CAPN3: variants seen among roughly 807,000 people sequenced by gnomAD.
CAPN3 encodes the protein calpain-3.
CAPN3 carries 88 observed loss-of-function variants against 114.0 expected under a neutral mutation model. That is an observed-to-expected ratio of 0.77 (90% CI 0.65 to 0.92). CAPN3 has a LOEUF of 0.92. CAPN3 is among the 40% of genes least tolerant of loss of function. CAPN3 has a pLI of 0.00. For missense variants in CAPN3, 1,028 were observed against 1,069.0 expected (o/e 0.96, Z 0.53); for synonymous variants, 386 against 382.9 (o/e 1.01, Z -0.09).
At chr15:42,391,011 T>A (rs2053542152) in intron 6 of CAPN3, among the ~76,000 whole-genome samples, 1 of 152,092 alleles carries the variant, frequency 6.6e-6, no homozygotes, top group Admixed American at 6.6e-5. Context: ...TGGAATGGTC[T>A]TGAACTCCTG....
intron 9 of CAPN3, among the ~76,000 whole-genome samples, chr15:42,397,309 G>A (rs1233992208): frequency 6.6e-6 from 1 of 152,180 alleles, no homozygotes; most frequent in South Asian, 2.1e-4. Context: ...TAAGTTCCCC[G>A]AGGACTGGGA....
Position 42,359,648 on chromosome 15 carries a change from A to T in CAPN3, c.-158A>T. Reference sequence around the variant, plus strand: ...GGTTTTTAAGATGGACATAACCTGTACGACCTTCTGATGGGCTTTCAACTT... The same window carrying T: ...GGTTTTTAAGATGGACATAACCTGTTCGACCTTCTGATGGGCTTTCAACTT... On this transcript the variant is annotated 5_prime_UTR_variant, in exon 1 of 24. Coordinates refer to ENST00000397163, the MANE Select transcript of CAPN3 (RefSeq NM_000070.3). 6.7e-7 allele frequency: 1 copy of T among 1,487,876 alleles called. No individual in the cohort carries two copies. The allele number at this position is 1,487,876 out of a possible 1,614,324, so 92.2% of individuals were successfully genotyped here.
chr15:42,401,778 A>G lies in CAPN3; in HGVS notation c.1492A>G (p.Ser498Gly). The change falls in exon 11 of 24, where the codon AGT becomes GGT. Residue 498 changes from serine (S) to glycine (G), a missense_variant. Transcript: ENST00000397163. ...NRRKDRKLGA[S>G]LFTIGFAIYE... ...GCGGAAGGACCGGAAGCTAGGGGCC[A>G]GTCTCTTCACCATTGGCTTCGCCAT... is the stretch of plus-strand genomic sequence containing the variant. 1.2e-6 allele frequency: 2 copies of G among 1,614,034 alleles called. No individual in the cohort carries two copies. The highest frequency in any genetic ancestry group is 2.2e-5 in the South Asian group (2 of 91,052).
intron 1 of CAPN3, among the ~76,000 whole-genome samples, chr15:42,368,497 ATAATT>A (rs544447490): frequency 8.5e-5 from 13 of 152,234 alleles, no homozygotes; most frequent in East Asian, 1.9e-4. Flanking sequence ...TCAATAAACA[ATAATT>A]TAATGAATCA....
chr15:42,403,028 G>A (rs750256683), intron 13 of CAPN3, 26 bp downstream of exon 13: 37 of 1,602,568 alleles, frequency 2.3e-5, no homozygotes, highest in Non-Finnish European at 2.4e-5. Context: ...GCTTTCCCAC[G>A]TGTTTCTAAA....
Position 42,382,569 on chromosome 15 carries a change from A to G in CAPN3, c.310-1914A>G, listed in dbSNP as rs181846492. 6.8e-3 allele frequency among the ~76,000 whole-genome samples: 1,039 copies of G among 152,230 alleles called. 15 individuals carry two copies. Among genetic ancestry groups the G allele is most frequent in the African/African-American group, 0.024 (1,001 of 41,542 alleles). The stretch of plus-strand genomic sequence containing the variant: ...ATCTTTGTAGAGACGGGGTCTCACT[A>G]TGTTGCCCAGACTGGTCTCGAACTC... On this transcript the variant is annotated intron_variant, in intron 1 of 23. Transcript: ENST00000397163.
At chr15:42,411,212 C>T in intron 22 of CAPN3, 75 bp from the exon 23 acceptor site, 3 of 1,273,968 alleles carry the variant, frequency 2.4e-6, no homozygotes, top group Non-Finnish European at 3.5e-6. Context: ...GGCACATGGT[C>T]CTCTGAGGGG....
In CAPN3 at chr15:42,392,602, C is replaced by A. The variant is rs781449760; in HGVS notation, c.946-37C>A. 5.9e-6 allele frequency: 9 copies of A among 1,532,504 alleles called. No homozygotes were observed. The Admixed American group carries it at 1.5e-4, about 26-fold the overall frequency. The allele number at this position is 1,532,504 out of a possible 1,614,324, so 94.9% of individuals were successfully genotyped here. A position where few individuals can be genotyped will look rare whatever the true frequency, so the allele number is the denominator to read the frequency against. ...CTCCAAGCAGCAGAACTTCTGTTCCCCCGCCCCTAATGGGTTCTCTGGTTA... is the reference window on the plus strand; with the variant it reads ...CTCCAAGCAGCAGAACTTCTGTTCCACCGCCCCTAATGGGTTCTCTGGTTA... On this transcript the variant is annotated intron_variant, in intron 6 of 23. Coordinates refer to ENST00000397163, the MANE Select transcript of CAPN3 (RefSeq NM_000070.3).
At chr15:42,393,781 A>G (rs1039449206) in intron 7 of CAPN3, among the ~76,000 whole-genome samples, 2 of 151,264 alleles carry the variant, frequency 1.3e-5, no homozygotes, top group African/African-American at 4.9e-5. Context: ...TTTAGTAGAG[A>G]TGGGGGTTTC....
rs2053921665 is a variant in CAPN3 at position 42,403,109 on chromosome 15, C to G, written c.1745+107C>G. On this transcript the variant is annotated intron_variant, in intron 13 of 23. Coordinates refer to ENST00000397163, the MANE Select transcript of CAPN3 (RefSeq NM_000070.3). ...ACACGTCTCCTCCAGGGTCCTTCTG[C>G]TGCTCCTGAGCCACTGGCCACATTA... 8 of 883,688 alleles carry G rather than the reference C, an allele frequency of 9.1e-6. No homozygotes were observed. In the Admixed American group the frequency reaches 9.3e-5, roughly 10 times the overall value. 54.7% of individuals were successfully genotyped at this position (883,688 alleles called of 1,614,324 possible).
intron 1 of CAPN3, among the ~76,000 whole-genome samples, chr15:42,380,697 G>A (rs2053219747): frequency 7.2e-6 from 1 of 138,810 alleles, no homozygotes; most frequent in South Asian, 2.2e-4. Flanking sequence ...CTGTGACACA[G>A]TTCAAACGGG....
At chr15:42,373,394 C>G (rs2053005913) in intron 1 of CAPN3, among the ~76,000 whole-genome samples, 1 of 152,128 alleles carries the variant, frequency 6.6e-6, no homozygotes, top group Non-Finnish European at 1.5e-5. Context: ...CTTTGAGAAG[C>G]ACAGAGTAGA....
At chr15:42,383,490 G>C (rs1003215593) in intron 1 of CAPN3, among the ~76,000 whole-genome samples, 3 of 152,066 alleles carry the variant, frequency 2.0e-5, no homozygotes, top group African/African-American at 7.2e-5. Context: ...TCGGGAGGCT[G>C]AGACAGGAAA....
chr15:42,402,163 GT>G, intron 12 of CAPN3, 28 bp downstream of exon 12: 1 of 1,614,016 alleles, frequency 6.2e-7, no homozygotes, highest in Non-Finnish European at 8.5e-7. Flanking sequence ...GCCAGCAGTT[GT>G]GTGCAGCACT....
In CAPN3 at chr15:42,400,885, A is replaced by C. The variant is rs1444798624; in HGVS notation, c.1355-756A>C. ...TTGGTGATATGATAAGAACTCAAAA[A>C]ATATTTGAGGAATAAAGGAAAGAAG... On this transcript the variant is annotated intron_variant, in intron 10 of 23. Coordinates refer to ENST00000397163, the MANE Select transcript of CAPN3 (RefSeq NM_000070.3). 2.0e-5 allele frequency among the ~76,000 whole-genome samples: 3 copies of C among 151,882 alleles called. No individual in the cohort carries two copies. In the East Asian group the frequency reaches 5.8e-4, roughly 30 times the overall value.
chr15:42,404,753 G>A (rs754709199), intron 14 of CAPN3: 19 of 1,137,810 alleles, frequency 1.7e-5, no homozygotes, highest in Non-Finnish European at 2.1e-5. Context: ...CCTCTGAACT[G>A]TCTTCTGGGC....
chr15:42,359,519 T>C lies in CAPN3; in HGVS notation c.-287T>C. ...AACCCTCACTCTCTTTCTCTCTCCC[T>C]CTGGCATGCATGCTGCTGGTAGGAG... is the stretch of plus-strand genomic sequence containing the variant. On this transcript the variant is annotated 5_prime_UTR_variant, in exon 1 of 24. Transcript: ENST00000397163. 2 of 1,284,944 alleles carry C rather than the reference T, an allele frequency of 1.6e-6. No homozygotes were observed. The highest frequency in any genetic ancestry group is 2.0e-6 in the Non-Finnish European group (2 of 1,010,446). The allele number at this position is 1,284,944 out of a possible 1,614,324, so 79.6% of individuals were successfully genotyped here.
chr15:42,379,887 C>T (rs995463518), intron 1 of CAPN3, among the ~76,000 whole-genome samples: 3 of 151,942 alleles, frequency 2.0e-5, no homozygotes, highest in Non-Finnish European at 4.4e-5. Flanking sequence ...GAGGCCAAGG[C>T]GAGCACATCA....
intron 1 of CAPN3, among the ~76,000 whole-genome samples, chr15:42,381,434 C>G (rs541619265): frequency 6.6e-6 from 1 of 152,278 alleles, no homozygotes; most frequent in South Asian, 2.1e-4. Context: ...AGGCTTTCTT[C>G]TTTCTCCTTT....
Sources: gnomAD v4.1 joint callset for allele counts (sites outside exome capture counted in the v4.1 genomes callset) on GRCh38, gnomAD v4.1.1 for gene constraint, MANE v1.5 for transcripts, NCBI Gene and HGNC (gene_info 2026-07-23, HGNC 2026-07-21) for gene names.